Variants in LRP1B observed in about 807,000 individuals in gnomAD.
LRP1B encodes the protein LDL receptor related protein 1B.
LRP1B carries 217 observed loss-of-function variants against 556.6 expected under a neutral mutation model. The observed-to-expected ratio is 0.39, with a 90% CI of 0.35 to 0.44. The LOEUF (loss-of-function observed/expected upper bound fraction) is 0.44. LRP1B is among the 20% of genes least tolerant of loss of function. The pLI, the probability that LRP1B is intolerant of heterozygous loss-of-function variation, is 1.00. For missense variants in LRP1B, 5,053 were observed against 5,620.8 expected (o/e 0.90, Z 3.23); for synonymous variants, 2,047 against 1,865.8 (o/e 1.10, Z -2.50).
intron 6 of LRP1B, among the ~76,000 whole-genome samples, chr2:141,216,477 T>G (rs1057246564): frequency 6.6e-6 from 1 of 152,134 alleles, no homozygotes; most frequent in Non-Finnish European, 1.5e-5. Context: ...GAGCCTCCAC[T>G]CAGAGTTCCC....
intron 43 of LRP1B, among the ~76,000 whole-genome samples, chr2:140,546,122 A>G (rs1016653132): frequency 1.3e-5 from 2 of 151,718 alleles, no homozygotes; most frequent in African/African-American, 2.4e-5. Flanking sequence ...TAATTTGTGT[A>G]CATTGGTTTT....
intron 2 of LRP1B, among the ~76,000 whole-genome samples, chr2:141,497,498 A>T (rs922684931): frequency 6.6e-6 from 1 of 152,054 alleles, no homozygotes; most frequent in South Asian, 2.1e-4. Context: ...ATAACTGAAT[A>T]AGGAAGTACC....
intron 1 of LRP1B, among the ~76,000 whole-genome samples, chr2:142,121,708 T>C (rs1040015529): frequency 6.6e-6 from 1 of 152,122 alleles, no homozygotes; most frequent in African/African-American, 2.4e-5. Flanking sequence ...TTTATTTGTT[T>C]GCTGTTTCTG....
At chr2:141,183,153 T>C (rs1002896538) in intron 7 of LRP1B, among the ~76,000 whole-genome samples, 3 of 152,014 alleles carry the variant, frequency 2.0e-5, no homozygotes, top group Non-Finnish European at 4.4e-5. Context: ...GCCAAATGTC[T>C]GTAACATTTT....
At chr2:140,973,898 A>C (rs1696511826) in intron 18 of LRP1B, among the ~76,000 whole-genome samples, 1 of 152,154 alleles carries the variant, frequency 6.6e-6, no homozygotes, top group Admixed American at 6.6e-5. Flanking sequence ...ATTGAATATT[A>C]ATCTCTCATT....
At chr2:141,808,753 C>T (rs1373008227) in intron 2 of LRP1B, among the ~76,000 whole-genome samples, 1 of 151,972 alleles carries the variant, frequency 6.6e-6, no homozygotes, top group Admixed American at 6.6e-5. Context: ...TGCCTGTGTC[C>T]CACCCTACCT....
intron 2 of LRP1B, among the ~76,000 whole-genome samples, chr2:141,676,197 C>A (rs1690870708): frequency 6.6e-6 from 1 of 151,914 alleles, no homozygotes; most frequent in Admixed American, 6.6e-5. Context: ...GACTGCCACC[C>A]CACTATTTTG....
chr2:141,646,477 A>C (rs1022168691), intron 2 of LRP1B, among the ~76,000 whole-genome samples: 1 of 152,168 alleles, frequency 6.6e-6, no homozygotes, highest in Non-Finnish European at 1.5e-5. Context: ...TGATATGAAA[A>C]GAATAATACA....
intron 3 of LRP1B, among the ~76,000 whole-genome samples, chr2:141,466,165 G>T (rs946285903): frequency 6.6e-6 from 1 of 152,300 alleles, no homozygotes; most frequent in Non-Finnish European, 1.5e-5. Context: ...GGGATTACAG[G>T]CATGAGCCAC....
At chr2:140,337,526 T>C (rs1308678398) in intron 77 of LRP1B, among the ~76,000 whole-genome samples, 2 of 151,856 alleles carry the variant, frequency 1.3e-5, no homozygotes, top group Admixed American at 6.6e-5. Flanking sequence ...TAAAAGTAAA[T>C]ATATCACCAA....
chr2:140,515,275 A>C (rs1333597828), intron 50 of LRP1B, among the ~76,000 whole-genome samples: 3 of 152,032 alleles, frequency 2.0e-5, no homozygotes, highest in Non-Finnish European at 2.9e-5. Context: ...ACAGTTTTGT[A>C]CGTAGCAACT....
At chr2:140,593,121 T>C (rs1682295381) in intron 43 of LRP1B, among the ~76,000 whole-genome samples, 1 of 152,192 alleles carries the variant, frequency 6.6e-6, no homozygotes, top group African/African-American at 2.4e-5. Flanking sequence ...GCATGTTTAT[T>C]TAGGGGTCAA....
chr2:141,191,669 AC>A (rs2105202037), intron 6 of LRP1B, among the ~76,000 whole-genome samples: 1 of 109,830 alleles, frequency 9.1e-6, no homozygotes, highest in East Asian at 3.2e-4. Flanking sequence ...TTTTTCCCAA[AC>A]AAAAATAAGC....
intron 43 of LRP1B, among the ~76,000 whole-genome samples, chr2:140,577,621 A>G (rs954803402): frequency 2.6e-5 from 4 of 151,604 alleles, no homozygotes; most frequent in African/African-American, 9.7e-5. Context: ...GAGTCTCACT[A>G]TTTTACTCAG....
At chr2:141,689,863 T>A (rs1166668390) in intron 2 of LRP1B, among the ~76,000 whole-genome samples, 1 of 151,598 alleles carries the variant, frequency 6.6e-6, no homozygotes, top group Non-Finnish European at 1.5e-5. Context: ...TATGAAAATA[T>A]TATTTCCTCC....
Position 140,913,874 on chromosome 2 carries a change from C to T in LRP1B, c.3320-5797G>A, listed in dbSNP as rs140246456. The stretch of plus-strand genomic sequence containing the variant: ...TTGGGAGGTAATTTTGAACATAACG[C>T]AGTTTTACATGCTGAATATTCAACC... On this transcript the variant is annotated intron_variant, in intron 21 of 90. Transcript: ENST00000389484. Among the ~76,000 whole-genome samples the T allele has an allele frequency of 2.7e-3, 404 of 152,066 alleles. 1 individual carries two copies. The highest frequency in any genetic ancestry group is 9.5e-3 in the African/African-American group (394 of 41,488).
chr2:140,583,173 T>TCTC (rs1558983601), intron 43 of LRP1B, among the ~76,000 whole-genome samples: 1 of 64,266 alleles, frequency 1.6e-5, no homozygotes, highest in Non-Finnish European at 3.0e-5. Flanking sequence ...TTTTTTTTCT[T>TCTC]TTTTTTTTTT....
chr2:141,105,761 A>G (rs1005893132), intron 7 of LRP1B, among the ~76,000 whole-genome samples: 1 of 152,206 alleles, frequency 6.6e-6, no homozygotes. Flanking sequence ...CCTGTTTTGA[A>G]TAAGAAATTT....
At chr2:140,464,774 A>G (rs1292055020) in intron 60 of LRP1B, among the ~76,000 whole-genome samples, 1 of 152,218 alleles carries the variant, frequency 6.6e-6, no homozygotes, top group Non-Finnish European at 1.5e-5. Flanking sequence ...ACACACATAT[A>G]CATAGGAATT....
Sources: gnomAD v4.1 joint callset for allele counts (sites outside exome capture counted in the v4.1 genomes callset) on GRCh38, gnomAD v4.1.1 for gene constraint, MANE v1.5 for transcripts, NCBI Gene and HGNC (gene_info 2026-07-23, HGNC 2026-07-21) for gene names.